The following SERPINB7 variants were observed in gnomAD, a reference collection of about 807,000 sequenced individuals.
SERPINB7 encodes the protein serpin B7.
SERPINB7 carries 31 observed loss-of-function variants against 37.4 expected under a neutral mutation model. The ratio of observed to expected loss-of-function variants is 0.83; its 90% CI spans 0.62 to 1.12. SERPINB7 has a LOEUF of 1.12. SERPINB7 is among the 50% of genes most tolerant of loss of function. The pLI is 0.00. For synonymous variants in SERPINB7, 163 were observed against 166.1 expected, an observed-to-expected ratio of 0.98 and a Z score of 0.14; for missense variants, 521 against 455.3, an observed-to-expected ratio of 1.14 and a Z score of -1.31.
At chr18:63,778,843 A>G (rs1017822617) in intron 1 of SERPINB7, among the ~76,000 whole-genome samples, 1 of 152,164 alleles carries the variant, frequency 6.6e-6, no homozygotes, top group Non-Finnish European at 1.5e-5. Context: ...CTCAAGTCTG[A>G]AGTTTGGGAT....
At chr18:63,791,676 T>C (rs966604174) in intron 2 of SERPINB7, among the ~76,000 whole-genome samples, 3 of 152,102 alleles carry the variant, frequency 2.0e-5, no homozygotes, top group African/African-American at 7.2e-5. Context: ...AGTGGTGCTA[T>C]CTCGGCTCAC....
chr18:63,784,824 A>G (rs2049348232), intron 2 of SERPINB7, among the ~76,000 whole-genome samples: 1 of 152,166 alleles, frequency 6.6e-6, no homozygotes, highest in African/African-American at 2.4e-5. Context: ...CTATGACTAA[A>G]GCTTGATTTT....
chr18:63,776,816 T>C lies in SERPINB7; in HGVS notation c.-19+1100T>C, dbSNP rs113878696. ...CAATGTAAGCTTTCTCTGGAGTTAA[T>C]AATTATCAAATTTGCTCATTTTTTG... On this transcript the variant is annotated intron_variant, in intron 1 of 7. Transcript: ENST00000398019. Among the ~76,000 whole-genome samples, 85 of 152,098 alleles carry C rather than the reference T, an allele frequency of 5.6e-4. 1 individual carries two copies. Among genetic ancestry groups the C allele is most frequent in the African/African-American group, 2.0e-3 (84 of 41,492 alleles).
At chr18:63,793,069 G>A (rs1214718197) in intron 3 of SERPINB7, 92 bp from the exon 4 acceptor site, 4 of 583,828 alleles carry the variant, frequency 6.9e-6, no homozygotes, top group Non-Finnish European at 1.2e-5. Flanking sequence ...TTCTTTTATG[G>A]TATAATTTGC....
chr18:63,755,734 A>C (rs2049118272), intron 1 of SERPINB7, among the ~76,000 whole-genome samples: 1 of 152,022 alleles, frequency 6.6e-6, no homozygotes, highest in African/African-American at 2.4e-5. Context: ...CTCTACAAAA[A>C]ATTAAAAAAA....
chr18:63,783,696 G>A (rs562109200), intron 2 of SERPINB7, among the ~76,000 whole-genome samples: 7 of 152,236 alleles, frequency 4.6e-5, no homozygotes, highest in African/African-American at 1.7e-4. Context: ...TAGCTCAACA[G>A]CAGGTGAGAT....
upstream of SERPINB7, among the ~76,000 whole-genome samples, chr18:63,770,921 A>G (rs116841711): frequency 0.019 from 2,933 of 151,328 alleles, 53 homozygotes; most frequent in Middle Eastern, 0.041. Context: ...ACTCACACAG[A>G]GAGATTCCAT....
upstream of SERPINB7, among the ~76,000 whole-genome samples, chr18:63,774,808 C>G (rs951947219): frequency 6.6e-6 from 1 of 151,948 alleles, no homozygotes; most frequent in Non-Finnish European, 1.5e-5. Flanking sequence ...GTTGCAATAA[C>G]TAACAGGGCA....
chr18:63,780,002 G>A (rs921577442), intron 1 of SERPINB7, among the ~76,000 whole-genome samples: 3 of 151,994 alleles, frequency 2.0e-5, no homozygotes, highest in Non-Finnish European at 2.9e-5. Context: ...CCATTGGCCC[G>A]TGCAAGCAGG....
At chr18:63,758,999 G>C (rs1011069550) in intron 1 of SERPINB7, among the ~76,000 whole-genome samples, 4 of 152,222 alleles carry the variant, frequency 2.6e-5, no homozygotes, top group African/African-American at 7.2e-5. Flanking sequence ...TTCTTGGTGA[G>C]TGGCTGTCAA....
chr18:63,794,037 G>A lies in SERPINB7; in HGVS notation c.336+760G>A, dbSNP rs972561155. On this transcript the variant is annotated intron_variant, in intron 4 of 7. Transcript: ENST00000398019. ...CGGCTCACTGCAACCTCTGCGTCTC[G>A]GGTTCAAGCGATTCTCCTGCCTCAG... Among the ~76,000 whole-genome samples the A allele has an allele frequency of 4.6e-5, 7 of 151,468 alleles. No individual in the cohort carries two copies. In the East Asian group the frequency reaches 7.8e-4, roughly 17 times the overall value.
chr18:63,758,731 G>C (rs1187784473), intron 1 of SERPINB7, among the ~76,000 whole-genome samples: 1 of 152,198 alleles, frequency 6.6e-6, no homozygotes, highest in Non-Finnish European at 1.5e-5. Flanking sequence ...GTGATAGCAT[G>C]TGATGGTCCC....
chr18:63,785,771 A>C (rs1275330864), intron 2 of SERPINB7, among the ~76,000 whole-genome samples: 5 of 151,136 alleles, frequency 3.3e-5, no homozygotes, highest in African/African-American at 1.2e-4. Context: ...AGATCTAATA[A>C]TGCTGTTCTT....
At chr18:63,754,881 T>C (rs12969824) in intron 1 of SERPINB7, among the ~76,000 whole-genome samples, 1 of 7,158 alleles carries the variant, frequency 1.4e-4, no homozygotes, top group Non-Finnish European at 2.4e-4. Flanking sequence ...AACTGAGGTC[T>C]TTTTTTTTTT....
intron 2 of SERPINB7, among the ~76,000 whole-genome samples, chr18:63,785,288 G>A (rs914854887): frequency 2.6e-5 from 4 of 152,006 alleles, no homozygotes; most frequent in African/African-American, 7.3e-5. Flanking sequence ...AATGAATCCC[G>A]GCTCAATTTA....
At chr18:63,762,007 G>A (rs554627172) in intron 1 of SERPINB7, among the ~76,000 whole-genome samples, 1 of 152,236 alleles carries the variant, frequency 6.6e-6, no homozygotes, top group African/African-American at 2.4e-5. Context: ...AATTCTTCTA[G>A]GACTCAGTGA....
chr18:63,761,313 G>A lies in SERPINB7; in HGVS notation c.-19+8193G>A, dbSNP rs186919150. Among the ~76,000 whole-genome samples, 1,102 of 152,306 alleles carry A rather than the reference G, an allele frequency of 7.2e-3. 10 individuals are homozygous for A. The highest frequency in any genetic ancestry group is 0.024 in the African/African-American group (1,003 of 41,566). ...TTGTCCAATTTCTCCCATTTGGAAT[G>A]GCTGTATTTACCCAATTCCTGTGCC... On this transcript the variant is annotated intron_variant, in intron 1 of 7. Coordinates refer to the SERPINB7 transcript ENST00000336429.
intron 5 of SERPINB7, among the ~76,000 whole-genome samples, chr18:63,797,645 A>T (rs144768301): frequency 2.0e-5 from 3 of 152,272 alleles, no homozygotes; most frequent in African/African-American, 7.2e-5. Flanking sequence ...AAACAACCCT[A>T]CCCAGGTCTT....
chr18:63,804,458 G>T lies in SERPINB7; in HGVS notation c.966G>T (p.Met322Ile). ...SGGRLYISRM[M>I]HKSYIEVTEE... is the part of the protein sequence containing the mutation. ...GTCGTCTGTATATATCAAGGATGAT[G>T]CACAAATCTTACATAGAGGTCACTG... Residue 322 changes from methionine to isoleucine, a missense_variant, in exon 8 of 8, where the codon ATG becomes ATT. By Grantham distance (10) the Met-to-Ile change is conservative. Coordinates refer to ENST00000398019, the MANE Select transcript of SERPINB7 (RefSeq NM_003784.4). The T allele has an allele frequency of 1.2e-6, 2 of 1,613,710 alleles. No homozygotes were observed. The highest frequency in any genetic ancestry group is 1.7e-6 in the Non-Finnish European group (2 of 1,179,832).
Sources: gnomAD v4.1 joint callset for allele counts (sites outside exome capture counted in the v4.1 genomes callset) on GRCh38, gnomAD v4.1.1 for gene constraint, MANE v1.5 for transcripts, NCBI Gene and HGNC (gene_info 2026-07-23, HGNC 2026-07-21) for gene names.